SCN3A: variants seen among roughly 807,000 people sequenced by gnomAD.
The protein encoded by SCN3A is sodium channel protein type 3 subunit alpha.
In SCN3A, 60 loss-of-function variants were observed where a neutral mutation model predicts 187.6. That is an observed-to-expected ratio of 0.32 (90% CI 0.26 to 0.40). The LOEUF (loss-of-function observed/expected upper bound fraction) is 0.40. Among genes scored for constraint, SCN3A ranks in the 10% least tolerant of loss-of-function variants. The pLI, the probability that SCN3A is intolerant of heterozygous loss-of-function variation, is 1.00. For synonymous variants in SCN3A, 788 were observed against 829.2 expected, an observed-to-expected ratio of 0.95 and a Z score of 0.85; for missense variants, 1,601 against 2,428.2, an observed-to-expected ratio of 0.66 and a Z score of 7.16.
chr2:165,179,482 C>A (rs1373000001), intron 2 of SCN3A: 1 of 152,140 alleles, frequency 6.6e-6, no homozygotes, highest in Non-Finnish European at 1.5e-5. Context: ...TCTGATTTAT[C>A]TGAGATGATA....
At chr2:165,181,860 T>G (rs930776455) in intron 2 of SCN3A, among the ~76,000 whole-genome samples, 13 of 152,206 alleles carry the variant, frequency 8.5e-5, no homozygotes, top group Admixed American at 1.3e-4. Flanking sequence ...TTCCTCCTAT[T>G]TCATCATACA....
chr2:165,128,232 A>G, intron 17 of SCN3A, 131 bp from the exon 18 acceptor site: 1 of 748,382 alleles, frequency 1.3e-6, no homozygotes, highest in Admixed American at 2.8e-5. Flanking sequence ...ACTATATTTC[A>G]GATGCCATGT....
At chr2:165,139,169 C>G (rs931270381) in intron 14 of SCN3A, among the ~76,000 whole-genome samples, 3 of 152,094 alleles carry the variant, frequency 2.0e-5, no homozygotes, top group African/African-American at 7.2e-5. Flanking sequence ...TATACCAAGA[C>G]TTAGAAAAGG....
intron 18 of SCN3A, 128 bp downstream of exon 18, chr2:165,127,503 C>T (rs191069315): frequency 4.0e-6 from 3 of 742,470 alleles, no homozygotes; most frequent in South Asian, 1.7e-5. Context: ...GATTTTCCAA[C>T]ATCACTATAG....
chr2:165,112,675 CCT>C (rs1257102141), intron 21 of SCN3A, among the ~76,000 whole-genome samples: 2 of 152,078 alleles, frequency 1.3e-5, no homozygotes, highest in African/African-American at 4.8e-5. Flanking sequence ...AACAATTCTC[CCT>C]GTGTTTGCTC....
At chr2:165,114,039 C>A in intron 19 of SCN3A, 69 bp from the exon 20 acceptor site, 1 of 1,006,744 alleles carries the variant, frequency 9.9e-7, no homozygotes, top group Non-Finnish European at 1.4e-6. Flanking sequence ...AACTTTCTTG[C>A]CCCTTCCCCA....
At chr2:165,175,697 T>C (rs561396753) in intron 3 of SCN3A, among the ~76,000 whole-genome samples, 1 of 152,278 alleles carries the variant, frequency 6.6e-6, no homozygotes, top group East Asian at 1.9e-4. Context: ...AGATTATTTA[T>C]TGTCCTCTAG....
intron 11 of SCN3A, among the ~76,000 whole-genome samples, chr2:165,151,950 T>C (rs953318914): frequency 1.3e-5 from 2 of 152,170 alleles, no homozygotes; most frequent in African/African-American, 4.8e-5. Context: ...CTTGATTCAC[T>C]AGTGAGGAAT....
chr2:165,196,689 A>G (rs1691988441), intron 1 of SCN3A, among the ~76,000 whole-genome samples: 1 of 152,134 alleles, frequency 6.6e-6, no homozygotes. Flanking sequence ...TATTAGATTA[A>G]TTCACTTCTT....
rs1692467657 is a variant in SCN3A, at chr2:165,203,870, C to T, written c.-295G>A. ...ATTACAGCATAACAAAGCCCAGCAT[C>T]CAAGATGGTTAGGGTATAACGTGTC... On this transcript the variant is annotated 5_prime_UTR_variant, in exon 1 of 28. Coordinates refer to ENST00000283254, the MANE Select transcript of SCN3A (RefSeq NM_006922.4). The T allele has an allele frequency of 6.7e-6, 1 of 149,576 alleles. No homozygotes were observed. The highest frequency in any genetic ancestry group is 1.5e-5 in the Non-Finnish European group (1 of 67,648). 9.3% of individuals were successfully genotyped at this position (149,576 alleles called of 1,614,324 possible).
At chr2:165,164,796 G>C (rs1689635546) in intron 5 of SCN3A, among the ~76,000 whole-genome samples, 2 of 152,058 alleles carry the variant, frequency 1.3e-5, no homozygotes, top group Non-Finnish European at 2.9e-5. Flanking sequence ...TAATCATCTA[G>C]TTTGACCTTC....
rs1236685961 is a variant in SCN3A at position 165,087,552 on chromosome 2, G to A, written c.*2598C>T. On this transcript the variant is annotated 3_prime_UTR_variant, in exon 28 of 28. Coordinates refer to ENST00000283254, the MANE Select transcript of SCN3A (RefSeq NM_006922.4). ...TAGCCACCTTATATAATTTATTATGGGAGAATTATGAAATACATATTTAGA... is the reference window on the plus strand; with the variant it reads ...TAGCCACCTTATATAATTTATTATGAGAGAATTATGAAATACATATTTAGA... 6.6e-6 allele frequency: 1 copy of A among 151,822 alleles called. No individual in the cohort carries two copies. The highest frequency in any genetic ancestry group is 2.4e-5 in the African/African-American group (1 of 41,318). The allele number at this position is 151,822 out of a possible 1,614,324, so 9.4% of individuals were successfully genotyped here. A position where few individuals can be genotyped will look rare whatever the true frequency, so the allele number is the denominator to read the frequency against.
intron 11 of SCN3A, among the ~76,000 whole-genome samples, chr2:165,152,807 G>A (rs1049524603): frequency 3.3e-5 from 5 of 151,908 alleles, no homozygotes; most frequent in Non-Finnish European, 5.9e-5. Context: ...GCATTAGGAG[G>A]TATACCTAAT....
At chr2:165,118,171 GTA>G (rs1686466273) in intron 18 of SCN3A, among the ~76,000 whole-genome samples, 1 of 152,136 alleles carries the variant, frequency 6.6e-6, no homozygotes, top group Non-Finnish European at 1.5e-5. Flanking sequence ...TGGAGGTTAT[GTA>G]TTTATACATC....
intron 21 of SCN3A, among the ~76,000 whole-genome samples, chr2:165,111,903 T>C (rs924097519): frequency 1.3e-5 from 2 of 152,210 alleles, no homozygotes; most frequent in Admixed American, 1.3e-4. Flanking sequence ...CTTAAAGGGT[T>C]AAACACATTT....
intron 1 of SCN3A, among the ~76,000 whole-genome samples, chr2:165,198,906 A>G (rs1692149947): frequency 6.6e-6 from 1 of 151,958 alleles, no homozygotes; most frequent in South Asian, 2.1e-4. Context: ...AAACTAACAA[A>G]CAGGTGACTA....
At chr2:165,103,430 A>G (rs898964624) in intron 21 of SCN3A, among the ~76,000 whole-genome samples, 1 of 152,192 alleles carries the variant, frequency 6.6e-6, no homozygotes, top group Non-Finnish European at 1.5e-5. Context: ...TAGTGTTTTA[A>G]TATTATCTCT....
chr2:165,156,512 C>CAAAAAAAAAAAAAAAAAAA (rs558407270), intron 9 of SCN3A, among the ~76,000 whole-genome samples: 1 of 63,706 alleles, frequency 1.6e-5, no homozygotes, highest in Admixed American at 2.6e-4. Context: ...GACTCTGACT[C>CAAAAAAAAAAAAAAAAAAA]AAAAAAAAAA....
rs1689212333 is a variant in SCN3A, at chr2:165,159,018, A to G, written c.1032-3115T>C. Among the ~76,000 whole-genome samples the G allele has an allele frequency of 1.4e-5, 2 of 138,196 alleles. 1 individual carries two copies. The highest frequency in any genetic ancestry group is 1.5e-4 in the Admixed American group (2 of 13,266). The allele number at this position is 138,196 out of a possible 152,430, so 90.7% of individuals were successfully genotyped here. A position where few individuals can be genotyped will look rare whatever the true frequency, so the allele number is the denominator to read the frequency against. ...TATGTTTATTTTGTAAGAAACCGCCAAACTGTCTTCCAAGGCGGTTGTCTA... is the reference window on the plus strand; with the variant it reads ...TATGTTTATTTTGTAAGAAACCGCCGAACTGTCTTCCAAGGCGGTTGTCTA... On this transcript the variant is annotated intron_variant, in intron 9 of 27. Coordinates refer to ENST00000283254, the MANE Select transcript of SCN3A (RefSeq NM_006922.4).
Sources: gnomAD v4.1 joint callset for allele counts (sites outside exome capture counted in the v4.1 genomes callset) on GRCh38, gnomAD v4.1.1 for gene constraint, MANE v1.5 for transcripts, NCBI Gene and HGNC (gene_info 2026-07-23, HGNC 2026-07-21) for gene names.